Variants in SPECC1L observed in about 807,000 individuals in gnomAD.
SPECC1L encodes sperm antigen with calponin homology and coiled-coil domains 1 like.
A neutral mutation model predicts 116.8 loss-of-function variants in SPECC1L; 40 were observed. The ratio of observed to expected loss-of-function variants is 0.34; its 90% CI spans 0.27 to 0.45. The LOEUF (loss-of-function observed/expected upper bound fraction) is 0.45. Ranked by LOEUF, SPECC1L falls within the 20% of genes least tolerant of loss-of-function variation. The probability of loss-of-function intolerance (pLI) is 1.00; values close to 1 mark genes in which losing one functional copy is unlikely to be tolerated. For missense variants in SPECC1L, 1,110 were observed against 1,373.6 expected, an observed-to-expected ratio of 0.81 and a Z score of 3.03; for synonymous variants, 504 against 500.6, an observed-to-expected ratio of 1.01 and a Z score of -0.09.
chr22:24,326,496 A>T (rs1220098980), intron 6 of SPECC1L, among the ~76,000 whole-genome samples: 1 of 152,128 alleles, frequency 6.6e-6, no homozygotes, highest in East Asian at 1.9e-4. Flanking sequence ...CCCAAACCAG[A>T]TTAGATGGCC....
At position 24,363,261 on chromosome 22, in the gene SPECC1L, A is replaced by G; in HGVS notation, c.2744A>G (p.Glu915Gly). 1 of 1,613,738 alleles carries G rather than the reference A, an allele frequency of 6.2e-7. No individual in the cohort carries two copies. The highest frequency in any genetic ancestry group is 8.5e-7 in the Non-Finnish European group (1 of 1,179,616). The change falls in exon 12 of 17, where the codon GAG becomes GGG. Residue 915 changes from glutamate (E) to glycine (G), a missense_variant and splice_region_variant. Physicochemically the swap from Glu to Gly is moderately conservative, Grantham distance 98. Coordinates refer to ENST00000314328, the MANE Select transcript of SPECC1L (RefSeq NM_015330.6). ...TTGGGATTCTTTCTACTTTGTACAG[A>G]GCATCTGTTAAGAACATCTTCAGCC... ...RPNYGEIPVQ[E>G]HLLRTSSASR...
intron 16 of SPECC1L, among the ~76,000 whole-genome samples, chr22:24,413,808 C>G (rs1359871783): frequency 1.3e-5 from 2 of 152,152 alleles, no homozygotes; most frequent in Admixed American, 6.5e-5. Context: ...TCACCAAGGG[C>G]GCCCTCCTGA....
intron 14 of SPECC1L, among the ~76,000 whole-genome samples, chr22:24,408,422 A>G (rs993778096): frequency 6.6e-6 from 1 of 152,256 alleles, no homozygotes; most frequent in Admixed American, 6.5e-5. Context: ...TCAGGACTGC[A>G]TCTTCGTGGC....
chr22:24,298,358 C>A (rs543874561), intron 2 of SPECC1L, among the ~76,000 whole-genome samples: 7 of 152,270 alleles, frequency 4.6e-5, no homozygotes. Context: ...TAGGCAAAAA[C>A]ATAGTATATA....
chr22:24,284,322 G>T (rs1354928251), intron 2 of SPECC1L, among the ~76,000 whole-genome samples: 1 of 151,970 alleles, frequency 6.6e-6, no homozygotes, highest in African/African-American at 2.4e-5. Flanking sequence ...TTCCCTTTTG[G>T]TTTCTTCTTT....
At chr22:24,404,294 C>T (rs776048414) in intron 14 of SPECC1L, among the ~76,000 whole-genome samples, 10 of 152,200 alleles carry the variant, frequency 6.6e-5, no homozygotes, top group Non-Finnish European at 1.3e-4. Context: ...TACAGGACTC[C>T]GATGATGCCG....
chr22:24,388,075 C>CT (rs148664403), intron 14 of SPECC1L, among the ~76,000 whole-genome samples: 2,170 of 151,880 alleles, frequency 0.014, 59 homozygotes, highest in African/African-American at 0.05. Context: ...TCTTAAAATT[C>CT]TTTTTTTATT....
In SPECC1L at chr22:24,377,651, T is replaced by C. The variant is rs146405167; in HGVS notation, c.3087+8331T>C. Among the ~76,000 whole-genome samples the C allele has an allele frequency of 3.6e-3, 541 of 152,334 alleles. 4 individuals carry two copies. In the Middle Eastern group the frequency reaches 0.051, roughly 14 times the overall value. On this transcript the variant is annotated intron_variant, in intron 14 of 16. Transcript: ENST00000314328. The stretch of plus-strand genomic sequence containing the variant: ...TATTGAACATTTTAAGCCCACTCCT[T>C]GATCTATGAGCTGCAGAATGGATGT...
rs199957037 is a variant in SPECC1L at position 24,313,478 on chromosome 22, A to G, written c.307+12A>G. The G allele has an allele frequency of 1.9e-6, 3 of 1,613,620 alleles. No homozygotes were observed. Among genetic ancestry groups the G allele is most frequent in the Non-Finnish European group, 2.5e-6 (3 of 1,179,992 alleles). ...CAAGATTAGCACAGGTAACGGTGACATTCAGTCTGAGACTTCAACTGCTTT... is the reference window on the plus strand; with the variant it reads ...CAAGATTAGCACAGGTAACGGTGACGTTCAGTCTGAGACTTCAACTGCTTT... On this transcript the variant is annotated intron_variant, in intron 4 of 16. Transcript: ENST00000314328.
chr22:24,327,485 AT>A (rs1362707946), intron 6 of SPECC1L, among the ~76,000 whole-genome samples: 1 of 152,010 alleles, frequency 6.6e-6, no homozygotes, highest in Non-Finnish European at 1.5e-5. Flanking sequence ...TAGAGGAAGA[AT>A]TTTTTGATTA....
chr22:24,357,577 A>G (rs1042124368), intron 11 of SPECC1L, among the ~76,000 whole-genome samples: 3 of 152,056 alleles, frequency 2.0e-5, no homozygotes, highest in Admixed American at 2.0e-4. Context: ...GACATCTTAC[A>G]TGGATAGTAG....
intron 14 of SPECC1L, among the ~76,000 whole-genome samples, chr22:24,404,660 G>T (rs575965059): frequency 6.6e-6 from 1 of 152,254 alleles, no homozygotes; most frequent in East Asian, 1.9e-4. Context: ...GCCGGCCTCT[G>T]ACTGCCCTCC....
intron 2 of SPECC1L, among the ~76,000 whole-genome samples, chr22:24,291,939 G>A (rs1025842014): frequency 6.6e-6 from 1 of 152,154 alleles, no homozygotes; most frequent in Non-Finnish European, 1.5e-5. Context: ...AAATTTAAAT[G>A]GTTTTAAATA....
chr22:24,279,314 C>G (rs1478528926), intron 2 of SPECC1L, among the ~76,000 whole-genome samples: 1 of 152,188 alleles, frequency 6.6e-6, no homozygotes, highest in Non-Finnish European at 1.5e-5. Context: ...CCTGTGCTGA[C>G]CTCTACTCTG....
chr22:24,288,828 G>C (rs1206259157), intron 2 of SPECC1L, among the ~76,000 whole-genome samples: 1 of 152,050 alleles, frequency 6.6e-6, no homozygotes, highest in East Asian at 1.9e-4. Context: ...TTTTCACCAT[G>C]TTGGTCAGGC....
intron 8 of SPECC1L, 119 bp downstream of exon 8, chr22:24,330,550 A>T (rs879292516): frequency 9.0e-7 from 1 of 1,111,350 alleles, no homozygotes; most frequent in African/African-American, 1.6e-5. Flanking sequence ...TTTGGATCTG[A>T]TGGAAGTTAC....
intron 2 of SPECC1L, among the ~76,000 whole-genome samples, chr22:24,281,633 T>G (rs182099238): frequency 1.0e-3 from 157 of 152,380 alleles, no homozygotes; most frequent in Non-Finnish European, 1.9e-3. Flanking sequence ...ACTTGGTTTT[T>G]GTGTATTAAT....
chr22:24,359,473 T>C (rs1394288762), intron 11 of SPECC1L, among the ~76,000 whole-genome samples: 1 of 152,206 alleles, frequency 6.6e-6, no homozygotes, highest in African/African-American at 2.4e-5. Context: ...TACCTCTGTA[T>C]GTGGTACCTC....
chr22:24,330,584 A>G (rs1257395014), intron 8 of SPECC1L, among the ~76,000 whole-genome samples, 153 bp downstream of exon 8: 3 of 152,170 alleles, frequency 2.0e-5, no homozygotes, highest in Admixed American at 1.3e-4. Flanking sequence ...GCCTCATTTT[A>G]TGGCACATGT....
Sources: gnomAD v4.1 joint callset for allele counts (sites outside exome capture counted in the v4.1 genomes callset) on GRCh38, gnomAD v4.1.1 for gene constraint, MANE v1.5 for transcripts, NCBI Gene and HGNC (gene_info 2026-07-23, HGNC 2026-07-21) for gene names.